Variants in NEB observed in about 807,000 individuals in gnomAD.
The protein encoded by NEB is nemaline myopathy type 2.
Under a neutral mutation model 952.2 loss-of-function variants are expected in NEB, and 512 were observed. The observed-to-expected ratio is 0.54, with a 90% CI of 0.50 to 0.58. The LOEUF (loss-of-function observed/expected upper bound fraction) is 0.58. NEB is among the 20% of genes least tolerant of loss of function. The pLI, the probability that NEB is intolerant of heterozygous loss-of-function variation, is 0.00. For synonymous variants in NEB, 2,900 were observed against 3,149.8 expected (o/e 0.92, Z 2.66); for missense variants, 8,428 against 9,231.1 (o/e 0.91, Z 3.56).
rs777079728 is a variant in NEB at position 151,677,556 on chromosome 2, T to C, written c.3774+9A>G. The C allele has an allele frequency of 1.2e-6, 2 of 1,606,208 alleles. No homozygotes were observed. The highest frequency in any genetic ancestry group is 2.2e-5 in the East Asian group (1 of 44,812). On this transcript the variant is annotated intron_variant, in intron 34 of 181. Transcript: ENST00000397345. ...ATATCCTCTGTCCTCTCTATTTTATTGTACTCACATCACTGACTTGCTTCG... is the reference window on the plus strand; with the variant it reads ...ATATCCTCTGTCCTCTCTATTTTATCGTACTCACATCACTGACTTGCTTCG...
intron 153 of NEB, 145 bp downstream of exon 153, chr2:151,524,166 T>C (rs1254229550): frequency 1.5e-6 from 1 of 671,696 alleles, no homozygotes; most frequent in Non-Finnish European, 2.5e-6. Flanking sequence ...AGGCCCTCAG[T>C]GCACTTTTTA....
In NEB at chr2:151,515,024, G is replaced by A. The variant is rs1456186801; in HGVS notation, c.22906-96C>T. 6.9e-6 allele frequency: 5 copies of A among 728,250 alleles called. No homozygotes were observed. The Admixed American group carries it at 1.0e-4, about 15-fold the overall frequency. The allele number at this position is 728,250 out of a possible 1,614,324, so 45.1% of individuals were successfully genotyped here. The stretch of plus-strand genomic sequence containing the variant: ...AGAAAAAAAAAACAGCATTTTCTAT[G>A]TATGGGCTCTTAATCATAGTTCTGC... On this transcript the variant is annotated intron_variant, in intron 157 of 181. Coordinates refer to ENST00000397345, the MANE Select transcript of NEB (RefSeq NM_001164508.2).
At chr2:151,555,126 G>T (rs879035744) in intron 124 of NEB, 82 bp from the exon 125 acceptor site, 1 of 949,294 alleles carries the variant, frequency 1.1e-6, no homozygotes. Flanking sequence ...GACTTAATGG[G>T]AAAAACCCGA....
At chr2:151,654,251 AAAG>A (rs748879863) in intron 51 of NEB, among the ~76,000 whole-genome samples, 152 bp from the exon 52 acceptor site, 4 of 152,200 alleles carry the variant, frequency 2.6e-5, no homozygotes, top group Admixed American at 6.5e-5. Flanking sequence ...CAAGCTGTTT[AAAG>A]GAGGGGAAAA....
At chr2:151,722,155 G>T (rs1395240049) in intron 9 of NEB, among the ~76,000 whole-genome samples, 4 of 152,168 alleles carry the variant, frequency 2.6e-5, no homozygotes, top group Non-Finnish European at 4.4e-5. Flanking sequence ...AGTATAAGAG[G>T]TTCCAGGGAT....
chr2:151,488,023 G>A (rs1239689000), intron 181 of NEB, among the ~76,000 whole-genome samples: 1 of 151,912 alleles, frequency 6.6e-6, no homozygotes, highest in African/African-American at 2.4e-5. Flanking sequence ...TTGGTTACTA[G>A]CACTTTTATT....
intron 47 of NEB, among the ~76,000 whole-genome samples, chr2:151,658,415 C>G (rs1296502098): frequency 2.6e-5 from 4 of 151,886 alleles, no homozygotes; most frequent in African/African-American, 7.3e-5. Flanking sequence ...TACAAAACAG[C>G]CTTATTCTTA....
intron 67 of NEB, 53 bp from the exon 68 acceptor site, chr2:151,629,699 A>C (rs1018725454): frequency 8.3e-6 from 12 of 1,446,264 alleles, no homozygotes; most frequent in Non-Finnish European, 9.7e-6. Context: ...TCAACAATTC[A>C]GAGATTATTA....
At chr2:151,525,921 A>G (rs950679680) in intron 150 of NEB, 37 bp downstream of exon 150, 6 of 1,511,000 alleles carry the variant, frequency 4.0e-6, no homozygotes, top group Non-Finnish European at 5.5e-6. Flanking sequence ...GTCAAGTGGC[A>G]TTGTTGCTGC....
rs1553985641 is a variant in NEB at position 151,644,560 on chromosome 2, CCAT to C, written c.7549_7551del (p.Met2517del). The C allele has an allele frequency of 2.5e-6, 4 of 1,613,410 alleles. No homozygotes were observed. The highest frequency in any genetic ancestry group is 1.7e-4 in the Middle Eastern group (1 of 6,058). ...CCTTTTCTCTTCAGCTCCTCATAAC[CCAT>C]TCGGTAGAGTTTCTGTTAAGAAATG... On this transcript the variant is annotated inframe_deletion, in exon 56 of 182. Coordinates refer to ENST00000397345, the MANE Select transcript of NEB (RefSeq NM_001164508.2).
At chr2:151,685,073 G>C in intron 27 of NEB, 98 bp from the exon 28 acceptor site, 1 of 1,263,994 alleles carries the variant, frequency 7.9e-7, no homozygotes, top group Non-Finnish European at 1.1e-6. Context: ...GTTAGAGAAA[G>C]AGTCAAACAT....
chr2:151,512,012 TCTCA>T (rs1226231343), intron 161 of NEB, among the ~76,000 whole-genome samples: 1 of 138,896 alleles, frequency 7.2e-6, no homozygotes, highest in Non-Finnish European at 1.5e-5. Flanking sequence ...TAGGTTACCC[TCTCA>T]CTCTTTTTTT....
chr2:151,696,543 T>C (rs1195096816), intron 17 of NEB, 94 bp downstream of exon 17: 3 of 948,174 alleles, frequency 3.2e-6, no homozygotes, highest in Non-Finnish European at 5.0e-6. Flanking sequence ...ACTTAGCCTT[T>C]TGAATAAACT....
intron 37 of NEB, 105 bp from the exon 38 acceptor site, chr2:151,671,334 C>T (rs1412298724): frequency 3.4e-6 from 3 of 889,772 alleles, no homozygotes; most frequent in African/African-American, 3.3e-5. Flanking sequence ...AACTCTTCAG[C>T]ATGCTCATGT....
At chr2:151,486,014 A>C in intron 181 of NEB, 81 bp from the exon 182 acceptor site, 232 of 1,404,770 alleles carry the variant, frequency 1.7e-4, no homozygotes, top group Non-Finnish European at 2.2e-4. Context: ...AAGATCTCTC[A>C]TGACTGACTC....
rs1560447129 is a variant in NEB at position 151,614,381 on chromosome 2, G to A, written c.11496C>T (p.Ile3832=). The change falls in exon 77 of 182, where the codon ATC becomes ATT. Residue 3832 remains isoleucine, a synonymous_variant. Transcript: ENST00000397345. ...GCTTGTAGTCTATGTCGCTTACAAGGATCTGACACTTCTTGGCCAGCACCA... is the reference window on the plus strand; with the variant it reads ...GCTTGTAGTCTATGTCGCTTACAAGAATCTGACACTTCTTGGCCAGCACCA... ...LGVVLAKKCQ[I]LVSDIDYKHP... is the part of the protein sequence containing the mutation. 3 of 1,613,882 alleles carry A rather than the reference G, an allele frequency of 1.9e-6. No homozygotes were observed. The highest frequency in any genetic ancestry group is 1.7e-4 in the Middle Eastern group (1 of 6,060).
At position 151,498,176 on chromosome 2, in the gene NEB, G is replaced by A. The variant is rs1260454733; in HGVS notation, c.24207+84C>T. ...GTATTAGAAGCAAAGAAGGGAAATG[G>A]GCTTCAAACAAAAATAAATAAATGT... On this transcript the variant is annotated intron_variant, in intron 170 of 181. Coordinates refer to ENST00000397345, the MANE Select transcript of NEB (RefSeq NM_001164508.2). 1.1e-5 allele frequency: 17 copies of A among 1,544,532 alleles called. No individual in the cohort carries two copies. In the East Asian group the frequency reaches 3.4e-4, roughly 31 times the overall value.
chr2:151,501,288 A>T, intron 168 of NEB, 103 bp downstream of exon 168: 9 of 774,172 alleles, frequency 1.2e-5, no homozygotes, highest in South Asian at 2.0e-5. Context: ...TTAAAAAAAG[A>T]TTTTGTTAAA....
rs1448712345 is a variant in NEB at position 151,679,811 on chromosome 2, G to A, written c.3165C>T (p.Asp1055=). 5.6e-6 allele frequency: 9 copies of A among 1,613,604 alleles called. No homozygotes were observed. The highest frequency in any genetic ancestry group is 7.6e-6 in the Non-Finnish European group (9 of 1,179,670). Residue 1055 remains aspartate, a synonymous_variant, in exon 32 of 182, where the codon GAC becomes GAT. Coordinates refer to ENST00000397345, the MANE Select transcript of NEB (RefSeq NM_001164508.2). The part of the protein sequence containing the change: ...YNISENMYKA[D]LKDLSKKGYD... ...ATCCCTTCTTGCTCAAGTCTTTCAA[G>A]TCTGCTTTGTACATATTCTGAAAGA... is the stretch of plus-strand genomic sequence containing the variant.
Sources: allele counts gnomAD v4.1 joint callset (sites outside exome capture counted in the v4.1 genomes callset), GRCh38; gene constraint gnomAD v4.1.1; transcripts MANE v1.5; gene names NCBI Gene and HGNC (gene_info 2026-07-23, HGNC 2026-07-21).